Variants in CD247 observed in about 807,000 individuals in gnomAD.
CD247 encodes the protein CD247 molecule, also known as T-cell surface glycoprotein CD3 zeta chain.
In CD247, 13 loss-of-function variants were observed where a neutral mutation model predicts 30.0. The observed-to-expected ratio is 0.43, with a 90% CI of 0.28 to 0.69. The LOEUF (loss-of-function observed/expected upper bound fraction) is 0.69, where lower values mean the gene tolerates loss of function less well. CD247 is among the 30% of genes least tolerant of loss of function. The pLI is 0.16. For synonymous variants in CD247, 72 were observed against 80.0 expected, an observed-to-expected ratio of 0.90 and a Z score of 0.53; for missense variants, 193 against 212.6, an observed-to-expected ratio of 0.91 and a Z score of 0.57.
chr1:167,437,870 C>T (rs1651622152), intron 4 of CD247, among the ~76,000 whole-genome samples: 2 of 152,094 alleles, frequency 1.3e-5, no homozygotes, highest in South Asian at 4.1e-4. Flanking sequence ...TGCTAATGTT[C>T]TCATCACAAA....
At chr1:167,440,844 GGACT>G (rs1439367206) in intron 1 of CD247, 77 bp from the exon 2 acceptor site, 14 of 868,776 alleles carry the variant, frequency 1.6e-5, no homozygotes, top group African/African-American at 6.6e-5. Context: ...GGTGGCACTA[GGACT>G]GACTGACCAA....
At chr1:167,432,546 G>A (rs1016341560) in intron 7 of CD247, among the ~76,000 whole-genome samples, 2 of 152,184 alleles carry the variant, frequency 1.3e-5, no homozygotes, top group Non-Finnish European at 2.9e-5. Flanking sequence ...TGCCTGCACT[G>A]ATTTGCAAAA....
At chr1:167,438,687 G>A in intron 3 of CD247, 37 bp from the exon 4 acceptor site, 1 of 1,537,552 alleles carries the variant, frequency 6.5e-7, no homozygotes. Flanking sequence ...ACAGGACGGA[G>A]GAACCTCAGA....
chr1:167,516,397 T>C (rs1371608766), intron 1 of CD247, among the ~76,000 whole-genome samples: 4 of 152,234 alleles, frequency 2.6e-5, no homozygotes, highest in Admixed American at 2.6e-4. Flanking sequence ...TTGATCCTAA[T>C]AATCTGGGCA....
chr1:167,448,465 T>TCAA (rs1196437362), intron 1 of CD247: 1 of 985,250 alleles, frequency 1.0e-6, no homozygotes, highest in Non-Finnish European at 1.2e-6. Flanking sequence ...TAGCTTTCTT[T>TCAA]CATTGAGGGC....
At chr1:167,444,719 C>G (rs574989118) in intron 1 of CD247, among the ~76,000 whole-genome samples, 2 of 152,266 alleles carry the variant, frequency 1.3e-5, no homozygotes, top group African/African-American at 4.8e-5. Context: ...AGAGGGAAGC[C>G]CTGCCTTCTG....
At chr1:167,492,261 A>G (rs1297752477) in intron 1 of CD247, among the ~76,000 whole-genome samples, 1 of 152,200 alleles carries the variant, frequency 6.6e-6, no homozygotes, top group Middle Eastern at 3.2e-3. Flanking sequence ...CACAGTTGAC[A>G]TGTGTGAAGG....
intron 1 of CD247, among the ~76,000 whole-genome samples, chr1:167,489,196 C>G (rs1296264373): frequency 1.3e-5 from 2 of 152,126 alleles, no homozygotes; most frequent in Non-Finnish European, 2.9e-5. Flanking sequence ...ATCCAACCCC[C>G]CTTCCCCACC....
In CD247 at chr1:167,471,335, G is replaced by A. The variant is rs564068831; in HGVS notation, c.59-30568C>T. Among the ~76,000 whole-genome samples, 4 of 152,252 alleles carry A rather than the reference G, an allele frequency of 2.6e-5. No individual in the cohort carries two copies. The East Asian group carries it at 5.8e-4, about 22-fold the overall frequency. On this transcript the variant is annotated intron_variant, in intron 1 of 7. Transcript: ENST00000362089. Reference sequence around the variant, plus strand: ...TTCTGGGCTATTTAAACTTAGGGCTGACTTACTTTCCAGAAAGACAAAACC... The same window carrying A: ...TTCTGGGCTATTTAAACTTAGGGCTAACTTACTTTCCAGAAAGACAAAACC...
At chr1:167,454,928 C>T (rs1558004143) in intron 1 of CD247, among the ~76,000 whole-genome samples, 1 of 152,236 alleles carries the variant, frequency 6.6e-6, no homozygotes, top group Non-Finnish European at 1.5e-5. Context: ...GGCGCCTCCT[C>T]AGAGTCCCTG....
intron 1 of CD247, among the ~76,000 whole-genome samples, chr1:167,506,289 T>A (rs1457953290): frequency 8.4e-5 from 1 of 11,920 alleles, no homozygotes; most frequent in African/African-American, 5.7e-4. Context: ...TTTCTTTTCT[T>A]TTTTCTTTTC....
At chr1:167,460,173 G>A (rs890564594) in intron 1 of CD247, among the ~76,000 whole-genome samples, 2 of 152,178 alleles carry the variant, frequency 1.3e-5, no homozygotes, top group African/African-American at 4.8e-5. Flanking sequence ...AGGCTGAGGT[G>A]GGAGGATGGC....
At chr1:167,513,388 T>G (rs1381416170) in intron 1 of CD247, among the ~76,000 whole-genome samples, 1 of 152,210 alleles carries the variant, frequency 6.6e-6, no homozygotes, top group Non-Finnish European at 1.5e-5. Context: ...ATTATTGGGC[T>G]GGCTTGGTAG....
rs375084338 is a variant in CD247 at position 167,514,385 on chromosome 1, C to T, written c.58+4023G>A. Among the ~76,000 whole-genome samples the T allele has an allele frequency of 8.8e-4, 134 of 152,262 alleles. 1 individual carries two copies. Among genetic ancestry groups the T allele is most frequent in the African/African-American group, 3.0e-3 (126 of 41,548 alleles). Reference sequence around the variant, plus strand: ...AATTCCTGACCTCAGGTGATCCACCCGTCTCGGCCTCCCAGAGTGCATTCA... The same window carrying T: ...AATTCCTGACCTCAGGTGATCCACCTGTCTCGGCCTCCCAGAGTGCATTCA... On this transcript the variant is annotated intron_variant, in intron 1 of 7. Transcript: ENST00000362089.
intron 1 of CD247, among the ~76,000 whole-genome samples, chr1:167,509,082 C>A (rs1466743574): frequency 6.6e-6 from 1 of 152,086 alleles, no homozygotes; most frequent in East Asian, 1.9e-4. Context: ...TATTAAAAAT[C>A]ATGGCTGGGC....
Position 167,440,651 on chromosome 1 carries a change from C to T in CD247, c.162+13G>A. Reference sequence around the variant, plus strand: ...GACCCCGTGCCCTCCTCCCAAAGCCCAGTGGTACCCACCTTCACTCTCAGG... The same window carrying T: ...GACCCCGTGCCCTCCTCCCAAAGCCTAGTGGTACCCACCTTCACTCTCAGG... On this transcript the variant is annotated intron_variant, in intron 2 of 7. Coordinates refer to ENST00000362089, the MANE Select transcript of CD247 (RefSeq NM_198053.3). 1 of 1,584,884 alleles carries T rather than the reference C, an allele frequency of 6.3e-7. No individual in the cohort carries two copies. The highest frequency in any genetic ancestry group is 2.2e-5 in the East Asian group (1 of 44,718).
At chr1:167,469,950 G>A (rs983512125) in intron 1 of CD247, among the ~76,000 whole-genome samples, 3 of 151,644 alleles carry the variant, frequency 2.0e-5, no homozygotes, top group Non-Finnish European at 2.9e-5. Context: ...TCTCACTCTC[G>A]TCACCCAGGC....
chr1:167,492,238 A>G (rs858544), intron 1 of CD247, among the ~76,000 whole-genome samples: 2,116 of 152,330 alleles, frequency 0.014, 22 homozygotes, highest in Non-Finnish European at 0.02. Flanking sequence ...TCTTGTCAGT[A>G]TTGGAGCGTG....
In CD247 at chr1:167,434,067, T is replaced by C; in HGVS notation, c.346A>G (p.Lys116Glu). 1 of 1,614,130 alleles carries C rather than the reference T, an allele frequency of 6.2e-7. No homozygotes were observed. The highest frequency in any genetic ancestry group is 8.5e-7 in the Non-Finnish European group (1 of 1,179,934). The stretch of plus-strand genomic sequence containing the variant: ...CTGTAGGCCTCCGCCATCTTATCTT[T>C]CTGCAGTTCCTGCAGAAGAGGGCGT... ...PQEGLYNELQ[K>E]DKMAEAYSEI... The change falls in exon 6 of 8, where the codon AAA (lysine) becomes GAA (glutamate). Residue 116 changes from lysine to glutamate, a missense_variant. Physicochemically the swap from Lys to Glu is moderately conservative, Grantham distance 56. Coordinates refer to ENST00000362089, the MANE Select transcript of CD247 (RefSeq NM_198053.3).
Sources: gnomAD v4.1 joint callset for allele counts (sites outside exome capture counted in the v4.1 genomes callset) on GRCh38, gnomAD v4.1.1 for gene constraint, MANE v1.5 for transcripts, NCBI Gene and HGNC (gene_info 2026-07-23, HGNC 2026-07-21) for gene names.